Variants in RNF130 observed in about 807,000 individuals in gnomAD.
RNF130 encodes the protein E3 ubiquitin-protein ligase RNF130.
In RNF130, 21 loss-of-function variants were observed where a neutral mutation model predicts 44.6. The observed-to-expected ratio is 0.47, with a 90% confidence interval of 0.33 to 0.68. The LOEUF is 0.68. RNF130 is among the 30% of genes least tolerant of loss of function. The pLI, the probability that RNF130 is intolerant of heterozygous loss-of-function variation, is 0.02. For synonymous variants in RNF130, 214 were observed against 210.4 expected (o/e 1.02, Z -0.15); for missense variants, 479 against 560.6 (o/e 0.85, Z 1.47).
At chr5:179,925,342 G>A (rs1761692850) in intron 7 of RNF130, among the ~76,000 whole-genome samples, 1 of 152,130 alleles carries the variant, frequency 6.6e-6, no homozygotes, top group Non-Finnish European at 1.5e-5. Context: ...CAAAAGATTG[G>A]GACTGGGATA....
intron 2 of RNF130, chr5:180,015,205 C>A (rs1464065195): frequency 1.1e-5 from 4 of 348,484 alleles, no homozygotes; most frequent in Non-Finnish European, 2.5e-5. Flanking sequence ...GAGTTGTGAT[C>A]AGTAAATTAG....
At chr5:179,964,828 G>A (rs1212162857) in intron 7 of RNF130, among the ~76,000 whole-genome samples, 1 of 152,150 alleles carries the variant, frequency 6.6e-6, no homozygotes, top group African/African-American at 2.4e-5. Context: ...AGACACCAGT[G>A]CAGCCACGGC....
intron 1 of RNF130, among the ~76,000 whole-genome samples, chr5:180,050,486 C>T (rs1764663849): frequency 6.6e-6 from 1 of 152,188 alleles, no homozygotes; most frequent in Non-Finnish European, 1.5e-5. Context: ...CGTCCAAAAC[C>T]ACCCTGACCG....
chr5:179,941,207 G>A (rs1188411757), intron 7 of RNF130, among the ~76,000 whole-genome samples: 2 of 152,062 alleles, frequency 1.3e-5, no homozygotes, highest in African/African-American at 2.4e-5. Flanking sequence ...TGCCTGCTTC[G>A]TTTGGTTGGT....
At chr5:180,029,232 T>C (rs1349734145) in intron 2 of RNF130, among the ~76,000 whole-genome samples, 2 of 152,184 alleles carry the variant, frequency 1.3e-5, no homozygotes, top group Non-Finnish European at 2.9e-5. Flanking sequence ...TGTGATAAAT[T>C]ATTAAATATG....
At chr5:179,962,365 G>A (rs1181155048) in intron 8 of RNF130, among the ~76,000 whole-genome samples, 1 of 152,168 alleles carries the variant, frequency 6.6e-6, no homozygotes, top group African/African-American at 2.4e-5. Context: ...TTCTATAGAT[G>A]TCAATTACAG....
chr5:179,999,210 C>A (rs990025272), intron 3 of RNF130, among the ~76,000 whole-genome samples: 3 of 151,246 alleles, frequency 2.0e-5, no homozygotes, highest in African/African-American at 7.3e-5. Context: ...TTAGTAGAGA[C>A]AGGGTTTCAC....
intron 7 of RNF130, among the ~76,000 whole-genome samples, chr5:179,928,481 T>C (rs545874591): frequency 2.0e-5 from 3 of 152,294 alleles, no homozygotes; most frequent in Admixed American, 6.5e-5. Flanking sequence ...TGTTTGTGTA[T>C]CTGGTTCGCT....
intron 3 of RNF130, among the ~76,000 whole-genome samples, chr5:179,989,670 A>C (rs1380599097): frequency 6.6e-6 from 1 of 152,192 alleles, no homozygotes; most frequent in Admixed American, 6.5e-5. Flanking sequence ...ATTTAAAAAA[A>C]TCTATTCAGT....
At chr5:180,030,218 T>C (rs772829958) in intron 2 of RNF130, among the ~76,000 whole-genome samples, 3 of 152,160 alleles carry the variant, frequency 2.0e-5, no homozygotes, top group Non-Finnish European at 4.4e-5. Flanking sequence ...AAAATACAAA[T>C]AAAAGTAAAA....
intron 7 of RNF130, among the ~76,000 whole-genome samples, chr5:179,925,135 G>T (rs1038011252): frequency 6.6e-6 from 1 of 152,224 alleles, no homozygotes; most frequent in Admixed American, 6.5e-5. Flanking sequence ...CTAAAGAGGT[G>T]GGTGAAGGCG....
At chr5:180,045,673 A>T (rs1328137199) in intron 1 of RNF130, among the ~76,000 whole-genome samples, 2 of 152,204 alleles carry the variant, frequency 1.3e-5, no homozygotes, top group African/African-American at 4.8e-5. Context: ...ACCTTGAGTT[A>T]GACACAGAGT....
intron 6 of RNF130, among the ~76,000 whole-genome samples, chr5:179,967,409 T>C (rs1561672859): frequency 6.6e-6 from 1 of 152,236 alleles, no homozygotes; most frequent in Non-Finnish European, 1.5e-5. Context: ...ACCTCTTTCA[T>C]CCTACTAACT....
At chr5:180,058,025 T>C (rs954754262) in intron 1 of RNF130, among the ~76,000 whole-genome samples, 2 of 152,168 alleles carry the variant, frequency 1.3e-5, no homozygotes, top group East Asian at 1.9e-4. Flanking sequence ...GGACATCCAA[T>C]TGATGTTGAA....
At chr5:179,952,928 C>T (rs1437854544), downstream of RNF130, among the ~76,000 whole-genome samples, 1 of 152,008 alleles carries the variant, frequency 6.6e-6, no homozygotes, top group Non-Finnish European at 1.5e-5. Context: ...TACGAGATCA[C>T]AACAACACAT....
At chr5:179,957,375 G>A (rs1484213704) in intron 8 of RNF130, among the ~76,000 whole-genome samples, 1 of 152,206 alleles carries the variant, frequency 6.6e-6, no homozygotes, top group Non-Finnish European at 1.5e-5. Flanking sequence ...TCCCACCACT[G>A]TACTCCAGCC....
At chr5:179,950,632 TG>T (rs572480844), downstream of RNF130, among the ~76,000 whole-genome samples, 328 of 152,370 alleles carry the variant, frequency 2.2e-3, no homozygotes, top group Non-Finnish European at 3.7e-3. Flanking sequence ...CTAAGACTGA[TG>T]GGAAGTCCCA....
Position 180,040,536 on chromosome 5 carries a change from G to A in RNF130, c.359C>T (p.Ser120Leu). Residue 120 changes from serine to leucine, a missense_variant, in exon 2 of 9, where the codon TCA becomes TTA. This residue lies in a region of RNF130 where 180 missense variants were observed against 275.1 expected (regional missense o/e 0.65). Transcript: ENST00000521389. The stretch of plus-strand genomic sequence containing the variant: ...AACTGCATTGTGGAAAGCGGCCCGT[G>A]ATATTTTCTCTTTAAACGTGCAGTT... ...RGNCTFKEKI[S>L]RAAFHNAVAV... 6.2e-7 allele frequency: 1 copy of A among 1,614,172 alleles called. No individual in the cohort carries two copies. Among genetic ancestry groups the A allele is most frequent in the Middle Eastern group, 1.6e-4 (1 of 6,062 alleles).
At chr5:180,014,158 G>T (rs1314125469) in intron 2 of RNF130, among the ~76,000 whole-genome samples, 1 of 152,260 alleles carries the variant, frequency 6.6e-6, no homozygotes, top group African/African-American at 2.4e-5. Flanking sequence ...TACGAGGACA[G>T]TCTTAAGTTG....
Sources: allele counts gnomAD v4.1 joint callset (sites outside exome capture counted in the v4.1 genomes callset), GRCh38; gene constraint gnomAD v4.1.1; regional missense constraint gnomAD v4.1.1; transcripts MANE v1.5; gene names NCBI Gene and HGNC (gene_info 2026-07-23, HGNC 2026-07-21).